Variants in PDE1A observed in about 807,000 individuals in gnomAD.
The protein encoded by PDE1A is phosphodiesterase 1A, also known as dual specificity calcium/calmodulin-dependent 3',5'-cyclic nucleotide phosphodiesterase 1A.
Under a neutral mutation model 61.7 loss-of-function variants are expected in PDE1A, and 35 were observed. The observed-to-expected ratio is 0.57, with a 90% confidence interval of 0.43 to 0.75. The LOEUF (loss-of-function observed/expected upper bound fraction) is 0.75. PDE1A is among the 30% of genes least tolerant of loss of function. PDE1A has a pLI of 0.00. For missense variants in PDE1A, 597 were observed against 630.6 expected (o/e 0.95, Z 0.57); for synonymous variants, 232 against 213.2 (o/e 1.09, Z -0.77).
chr2:182,684,383 A>G, the PDE1A span, among the ~76,000 whole-genome samples: 3 of 152,178 alleles, frequency 2.0e-5, no homozygotes, highest in Non-Finnish European at 4.4e-5. Context: ...AAAATAAGCT[A>G]CATAAATATT....
intron 1 of PDE1A, among the ~76,000 whole-genome samples, chr2:182,267,319 A>G (rs749321652): frequency 1.1e-4 from 17 of 152,120 alleles, no homozygotes; most frequent in Non-Finnish European, 1.6e-4. Flanking sequence ...ATAATTGGAC[A>G]TAAAACTTCC....
the PDE1A span, among the ~76,000 whole-genome samples, chr2:182,712,146 G>A: frequency 6.6e-6 from 1 of 152,194 alleles, no homozygotes; most frequent in Non-Finnish European, 1.5e-5. Context: ...AACTGACACA[G>A]AAAGACATCT....
chr2:182,150,613 T>G (rs1279311168), intron 13 of PDE1A, among the ~76,000 whole-genome samples: 1 of 152,246 alleles, frequency 6.6e-6, no homozygotes, highest in Admixed American at 6.5e-5. Flanking sequence ...GGTGTTCATC[T>G]CAACCAGTTT....
At chr2:182,411,826 T>A (rs1320691584) in intron 1 of PDE1A, among the ~76,000 whole-genome samples, 4 of 152,014 alleles carry the variant, frequency 2.6e-5, no homozygotes, top group African/African-American at 9.7e-5. Flanking sequence ...TTTGGGAGAC[T>A]GAGGTGAGCA....
At chr2:182,677,946 A>G in the PDE1A span, among the ~76,000 whole-genome samples, 1 of 152,198 alleles carries the variant, frequency 6.6e-6, no homozygotes, top group Admixed American at 6.5e-5. Flanking sequence ...CCTTCCTAAT[A>G]AAATACTCAA....
chr2:182,652,335 G>A, the PDE1A span, among the ~76,000 whole-genome samples: 1 of 151,960 alleles, frequency 6.6e-6, no homozygotes, highest in Non-Finnish European at 1.5e-5. Flanking sequence ...TTCCCTCCCA[G>A]GTCTTTAGAT....
At chr2:182,198,546 G>C (rs1241201612) in intron 10 of PDE1A, among the ~76,000 whole-genome samples, 1 of 151,722 alleles carries the variant, frequency 6.6e-6, no homozygotes, top group Non-Finnish European at 1.5e-5. Flanking sequence ...TATAATTAAT[G>C]TCTGTCGAAT....
At chr2:182,291,577 GA>G (rs538907349) in intron 1 of PDE1A, among the ~76,000 whole-genome samples, 2 of 152,076 alleles carry the variant, frequency 1.3e-5, no homozygotes, top group East Asian at 3.9e-4. Flanking sequence ...GTTTTCTGCA[GA>G]AAAAATATAC....
intron 10 of PDE1A, among the ~76,000 whole-genome samples, chr2:182,195,620 T>A (rs867789500): frequency 1.3e-5 from 2 of 152,128 alleles, no homozygotes; most frequent in South Asian, 4.1e-4. Context: ...TACCTCAAAA[T>A]CTCTAGCACA....
intron 2 of PDE1A, among the ~76,000 whole-genome samples, chr2:182,474,171 T>C (rs1687213382): frequency 6.6e-6 from 1 of 151,982 alleles, no homozygotes; most frequent in Admixed American, 6.6e-5. Context: ...ATGAACCTAC[T>C]TTGTGTAAAG....
At chr2:182,689,723 A>C in the PDE1A span, among the ~76,000 whole-genome samples, 3 of 152,228 alleles carry the variant, frequency 2.0e-5, no homozygotes, top group East Asian at 3.8e-4. Flanking sequence ...CCCTTCAAAA[A>C]ATCAATGAAT....
At chr2:182,444,621 C>A (rs62188285) in intron 2 of PDE1A, among the ~76,000 whole-genome samples, 28 of 151,716 alleles carry the variant, frequency 1.8e-4, no homozygotes, top group East Asian at 1.6e-3. Context: ...ATCAATATAT[C>A]TCTCTCTCTC....
the PDE1A span, among the ~76,000 whole-genome samples, chr2:182,580,025 A>G: frequency 6.6e-6 from 1 of 152,216 alleles, no homozygotes; most frequent in Admixed American, 6.5e-5. Context: ...CAGGCTAACA[A>G]CATCTTCAAA....
chr2:182,472,540 C>T (rs966990730), intron 2 of PDE1A, among the ~76,000 whole-genome samples: 7 of 151,650 alleles, frequency 4.6e-5, no homozygotes, highest in Non-Finnish European at 1.0e-4. Context: ...GAATGGTGGA[C>T]AATGAAGACT....
At chr2:182,262,355 T>A (rs1470762466) in intron 2 of PDE1A, among the ~76,000 whole-genome samples, 1 of 152,132 alleles carries the variant, frequency 6.6e-6, no homozygotes, top group East Asian at 1.9e-4. Flanking sequence ...AACCTCGGCC[T>A]CCCTGGCTCA....
At chr2:182,638,210 T>A in the PDE1A span, among the ~76,000 whole-genome samples, 1 of 152,152 alleles carries the variant, frequency 6.6e-6, no homozygotes, top group Non-Finnish European at 1.5e-5. Flanking sequence ...ATTCTATAAG[T>A]CTAAAATTAG....
intron 1 of PDE1A, among the ~76,000 whole-genome samples, chr2:182,267,513 G>A (rs1372304109): frequency 6.6e-6 from 1 of 151,814 alleles, no homozygotes; most frequent in Non-Finnish European, 1.5e-5. Flanking sequence ...ATATTGGGGG[G>A]TTACTAGGAC....
the PDE1A span, among the ~76,000 whole-genome samples, chr2:182,615,698 A>T: frequency 6.6e-6 from 1 of 152,212 alleles, no homozygotes; most frequent in Non-Finnish European, 1.5e-5. Context: ...CAAGGGTCCC[A>T]CACCTGATAA....
At chr2:182,707,935 T>C in the PDE1A span, among the ~76,000 whole-genome samples, 7 of 152,192 alleles carry the variant, frequency 4.6e-5, no homozygotes, top group Non-Finnish European at 8.8e-5. Flanking sequence ...TAACTTCTAA[T>C]GTCCTATGGC....
Sources: allele counts gnomAD v4.1 joint callset (sites outside exome capture counted in the v4.1 genomes callset), GRCh38; gene constraint gnomAD v4.1.1; transcripts MANE v1.5; gene names NCBI Gene and HGNC (gene_info 2026-07-23, HGNC 2026-07-21).